The following MPDZ variants were observed in gnomAD, a reference collection of about 807,000 sequenced individuals.
MPDZ encodes the protein multiple PDZ domain protein.
In MPDZ, 234 loss-of-function variants were observed where a neutral mutation model predicts 239.1. The observed-to-expected ratio is 0.98, with a 90% CI of 0.88 to 1.09. MPDZ has a LOEUF of 1.09. Among genes scored for constraint, MPDZ ranks in the 50% least tolerant of loss-of-function variants. MPDZ has a pLI of 0.00. For synonymous variants in MPDZ, 1,048 were observed against 881.3 expected, an observed-to-expected ratio of 1.19 and a Z score of -3.35; for missense variants, 3,175 against 2,510.0, an observed-to-expected ratio of 1.26 and a Z score of -5.66.
intron 1 of MPDZ, among the ~76,000 whole-genome samples, chr9:13,269,617 T>C (rs917828522): frequency 2.0e-5 from 3 of 152,262 alleles, no homozygotes; most frequent in Middle Eastern, 3.4e-3. Flanking sequence ...TGAACATGCA[T>C]ACAAACAAGA....
chr9:13,217,009 T>C, intron 9 of MPDZ, 147 bp from the exon 10 acceptor site: 1 of 818,972 alleles, frequency 1.2e-6, no homozygotes, highest in Non-Finnish European at 1.9e-6. Flanking sequence ...ATAATTGTTT[T>C]GTCTGTCTTA....
chr9:13,267,469 A>G (rs1406714332), intron 1 of MPDZ, among the ~76,000 whole-genome samples: 1 of 152,204 alleles, frequency 6.6e-6, no homozygotes, highest in Non-Finnish European at 1.5e-5. Flanking sequence ...CCTATGCTGT[A>G]AAGTACAGAG....
At chr9:13,227,659 T>C (rs1324512417) in intron 3 of MPDZ, among the ~76,000 whole-genome samples, 1 of 152,084 alleles carries the variant, frequency 6.6e-6, no homozygotes, top group Non-Finnish European at 1.5e-5. Context: ...ATACAGGCAT[T>C]CTAAGAGTAA....
rs371975690 is a variant in MPDZ at position 13,147,501 on chromosome 9, T to A, written c.3741+47A>T. On this transcript the variant is annotated intron_variant, in intron 26 of 46. Coordinates refer to ENST00000319217, the MANE Select transcript of MPDZ (RefSeq NM_001378778.1). ...GGCCCTTGATACATTAGATTCCAAG[T>A]TGAACACTGTTTGGATATGCCTACC... is the stretch of plus-strand genomic sequence containing the variant. 3 of 1,426,342 alleles carry A rather than the reference T, an allele frequency of 2.1e-6. No individual in the cohort carries two copies. In the Admixed American group the frequency reaches 5.0e-5, roughly 24 times the overall value. 88.4% of individuals were successfully genotyped at this position (1,426,342 alleles called of 1,614,324 possible).
intron 10 of MPDZ, among the ~76,000 whole-genome samples, chr9:13,208,432 G>C (rs1395131594): frequency 6.6e-6 from 1 of 151,020 alleles, no homozygotes; most frequent in Non-Finnish European, 1.5e-5. Flanking sequence ...GGGCATCAGA[G>C]TGAGACCCTG....
intron 3 of MPDZ, among the ~76,000 whole-genome samples, chr9:13,236,632 T>C (rs529752409): frequency 2.6e-5 from 4 of 152,004 alleles, no homozygotes; most frequent in Non-Finnish European, 4.4e-5. Flanking sequence ...AAGGCCTAAA[T>C]GACACTAAAA....
rs1330134 is a variant in MPDZ, at chr9:13,268,177, T to C, written c.-58+11223A>G. On this transcript the variant is annotated intron_variant, in intron 1 of 46. Coordinates refer to ENST00000319217, the MANE Select transcript of MPDZ (RefSeq NM_001378778.1). ...TTATATATATATATATATACACACA[T>C]AGAGAGAGAGAGATCTAGATATACA... Among the ~76,000 whole-genome samples, 785 of 142,588 alleles carry C rather than the reference T, an allele frequency of 5.5e-3. 8 individuals carry two copies. The highest frequency in any genetic ancestry group is 0.019 in the African/African-American group (748 of 39,958). 93.5% of individuals were successfully genotyped at this position (142,588 alleles called of 152,430 possible). A position where few individuals can be genotyped will look rare whatever the true frequency, so the allele number is the denominator to read the frequency against.
At chr9:13,120,759 T>C (rs969339918) in intron 38 of MPDZ, 1 of 152,210 alleles carries the variant, frequency 6.6e-6, no homozygotes, top group Non-Finnish European at 1.5e-5. Flanking sequence ...AATGCCTATT[T>C]CCAAAGAAGG....
intron 3 of MPDZ, among the ~76,000 whole-genome samples, chr9:13,242,023 G>C (rs924529005): frequency 7.2e-5 from 11 of 152,048 alleles, no homozygotes; most frequent in African/African-American, 2.7e-4. Context: ...AATTCACACA[G>C]AGTGTATATT....
chr9:13,224,607 A>G (rs1234143690), intron 3 of MPDZ, 24 bp from the exon 4 acceptor site: 13 of 1,480,570 alleles, frequency 8.8e-6, no homozygotes. Context: ...AGGGATTATT[A>G]AGAATTTTGA....
intron 8 of MPDZ, among the ~76,000 whole-genome samples, 185 bp downstream of exon 8, chr9:13,219,374 G>A (rs1206049134): frequency 6.6e-6 from 1 of 151,700 alleles, no homozygotes; most frequent in Non-Finnish European, 1.5e-5. Context: ...TTTTTCATTT[G>A]TTTTACACAT....
intron 32 of MPDZ, among the ~76,000 whole-genome samples, chr9:13,128,714 A>G (rs972042897): frequency 1.3e-5 from 2 of 152,228 alleles, no homozygotes; most frequent in Admixed American, 1.3e-4. Context: ...AAGTAGACAC[A>G]TGATCTGAAT....
chr9:13,129,373 G>C (rs1189786040), intron 32 of MPDZ, among the ~76,000 whole-genome samples: 1 of 150,634 alleles, frequency 6.6e-6, no homozygotes, highest in Non-Finnish European at 1.5e-5. Flanking sequence ...TGATGCAGGA[G>C]AATCGCTTGA....
chr9:13,238,202 T>C (rs1964558799), intron 3 of MPDZ, among the ~76,000 whole-genome samples: 1 of 152,176 alleles, frequency 6.6e-6, no homozygotes, highest in African/African-American at 2.4e-5. Context: ...TTGTGCCCAC[T>C]GGACTATACT....
At position 13,122,098 on chromosome 9, in the gene MPDZ, G is replaced by C; in HGVS notation, c.5026C>G (p.Gln1676Glu). The change falls in exon 37 of 47, where the codon CAG becomes GAG. Residue 1676 changes from glutamine (Q) to glutamate (E), a missense_variant. Transcript: ENST00000319217. ...CKDGRLWAGD[Q>E]ILEVNGIDLR... is the part of the protein sequence containing the mutation. ...CAGGCATTCTATACCTCTAAGATCT[G>C]ATCTCCAGCCCAGAGTCTTCCATCT... 6.2e-7 allele frequency: 1 copy of C among 1,613,916 alleles called. No individual in the cohort carries two copies. Among genetic ancestry groups the C allele is most frequent in the Non-Finnish European group, 8.5e-7 (1 of 1,179,884 alleles).
At chr9:13,246,002 T>C (rs1966502930) in intron 3 of MPDZ, among the ~76,000 whole-genome samples, 2 of 152,148 alleles carry the variant, frequency 1.3e-5, no homozygotes, top group South Asian at 2.1e-4. Context: ...CTCATTCTAA[T>C]CATGTTTTCA....
At chr9:13,211,979 A>G (rs1957673428) in intron 10 of MPDZ, among the ~76,000 whole-genome samples, 1 of 152,096 alleles carries the variant, frequency 6.6e-6, no homozygotes. Flanking sequence ...TTACTCTCAC[A>G]GTAATAAAGG....
Position 13,188,986 on chromosome 9 carries a change from A to G in MPDZ, c.2162T>C (p.Ile721Thr), listed in dbSNP as rs941258296. The G allele has an allele frequency of 1.9e-6, 3 of 1,612,430 alleles. No homozygotes were observed. Among genetic ancestry groups the G allele is most frequent in the Non-Finnish European group, 2.5e-6 (3 of 1,178,954 alleles). Residue 721 changes from isoleucine (I) to threonine (T), a missense_variant, in exon 17 of 47, where the codon ATT (isoleucine) becomes ACT (threonine). Transcript: ENST00000319217. Reference sequence around the variant, plus strand: ...TATAATCACAGTGCTTGCTGGATCAATTGGATCCTGACAGAAGGCAAAAGG... The same window carrying G: ...TATAATCACAGTGCTTGCTGGATCAGTTGGATCCTGACAGAAGGCAAAAGG... Reference protein sequence around the residue: ...GFSILDYQDPIDPASTVIIIR... With the variant: ...GFSILDYQDPTDPASTVIIIR...
chr9:13,126,840 AG>A (rs548514575), intron 32 of MPDZ, 68 bp from the exon 33 acceptor site: 1,015 of 1,330,934 alleles, frequency 7.6e-4, no homozygotes, highest in Admixed American at 1.3e-3. Flanking sequence ...ATGGATACCA[AG>A]GGTAAGAAAA....
Sources: gnomAD v4.1 joint callset for allele counts (sites outside exome capture counted in the v4.1 genomes callset) on GRCh38, gnomAD v4.1.1 for gene constraint, MANE v1.5 for transcripts, NCBI Gene and HGNC (gene_info 2026-07-23, HGNC 2026-07-21) for gene names.